CDKAL1: variants seen among roughly 807,000 people sequenced by gnomAD.
CDKAL1 encodes the protein threonylcarbamoyladenosine tRNA methylthiotransferase.
CDKAL1 carries 32 observed loss-of-function variants against 68.2 expected under a neutral mutation model. The ratio of observed to expected loss-of-function variants is 0.47; its 90% CI spans 0.35 to 0.63. The LOEUF is 0.63. Ranked by LOEUF, CDKAL1 falls within the 30% of genes least tolerant of loss-of-function variation. The pLI is 0.00. For missense variants in CDKAL1, 606 were observed against 696.7 expected (o/e 0.87, Z 1.47); for synonymous variants, 234 against 244.3 (o/e 0.96, Z 0.39).
At chr6:20,891,660 G>A (rs1170450203) in intron 9 of CDKAL1, among the ~76,000 whole-genome samples, 20 of 150,844 alleles carry the variant, frequency 1.3e-4, no homozygotes, top group African/African-American at 3.2e-4. Context: ...TCAGCCTCCC[G>A]AGTATCTGGG....
chr6:20,880,480 C>T (rs1413980063), intron 9 of CDKAL1, among the ~76,000 whole-genome samples: 1 of 152,142 alleles, frequency 6.6e-6, no homozygotes, highest in Non-Finnish European at 1.5e-5. Context: ...GTGTCTTGAT[C>T]TTCTGACCTC....
At chr6:21,110,036 T>C (rs1231783510) in intron 13 of CDKAL1, among the ~76,000 whole-genome samples, 1 of 152,232 alleles carries the variant, frequency 6.6e-6, no homozygotes, top group Non-Finnish European at 1.5e-5. Flanking sequence ...TTGGCTTCCC[T>C]TCATTCCTCT....
chr6:21,097,609 C>A (rs1019716974), intron 12 of CDKAL1, among the ~76,000 whole-genome samples: 6 of 151,734 alleles, frequency 4.0e-5, no homozygotes, highest in Admixed American at 1.3e-4. Context: ...TAAGGGTTAA[C>A]CGTGCTATAT....
rs1770990974 is a variant in CDKAL1 at position 20,694,042 on chromosome 6, T to TG, written c.371+44665_371+44666insG. Among the ~76,000 whole-genome samples the TG allele has an allele frequency of 1.7e-5, 2 of 114,356 alleles. 1 individual carries two copies. Among genetic ancestry groups the TG allele is most frequent in the African/African-American group, 8.4e-5 (2 of 23,680 alleles). The allele number at this position is 114,356 out of a possible 152,430, so 75.0% of individuals were successfully genotyped here. A position where few individuals can be genotyped will look rare whatever the true frequency, so the allele number is the denominator to read the frequency against. On this transcript the variant is annotated intron_variant, in intron 5 of 15. Coordinates refer to ENST00000274695, the MANE Select transcript of CDKAL1 (RefSeq NM_017774.3). The stretch of plus-strand genomic sequence containing the variant: ...CACACACTAACACACCCGGCTAACT[T>TG]TGTGTGTGTGTGTGTGTGTATGTGT...
chr6:20,643,472 T>C (rs1768285021), intron 4 of CDKAL1, among the ~76,000 whole-genome samples: 1 of 152,252 alleles, frequency 6.6e-6, no homozygotes, highest in South Asian at 2.1e-4. Flanking sequence ...ATTTAACTTC[T>C]ACCCCTCTGG....
chr6:21,160,636 GACACAC>G lies in CDKAL1; in HGVS notation c.1300-37370_1300-37365del, dbSNP rs70993208. On this transcript the variant is annotated intron_variant, in intron 13 of 15. Coordinates refer to ENST00000274695, the MANE Select transcript of CDKAL1 (RefSeq NM_017774.3). Reference sequence around the variant, plus strand: ...TTATTCACTGTAATTTTTGGACACAGACACACACACACACACACACGTGTGTGTGTG... The same window carrying G: ...TTATTCACTGTAATTTTTGGACACAGACACACACACACACGTGTGTGTGTG... 1.4e-3 allele frequency among the ~76,000 whole-genome samples: 178 copies of G among 123,320 alleles called. 2 individuals carry two copies. Among genetic ancestry groups the G allele is most frequent in the African/African-American group, 3.9e-3 (131 of 33,284 alleles). 80.9% of individuals were successfully genotyped at this position (123,320 alleles called of 152,430 possible). A position where few individuals can be genotyped will look rare whatever the true frequency, so the allele number is the denominator to read the frequency against.
intron 13 of CDKAL1, among the ~76,000 whole-genome samples, chr6:21,180,378 C>T (rs1777744100): frequency 6.6e-6 from 1 of 150,874 alleles, no homozygotes; most frequent in Admixed American, 6.6e-5. Context: ...AGTTTCATAC[C>T]ACACTTGCCA....
intron 4 of CDKAL1, chr6:20,599,259 TTAAG>T (rs1765977391): frequency 2.8e-6 from 1 of 362,276 alleles, no homozygotes; most frequent in Non-Finnish European, 5.4e-6. Context: ...TCCAGAGATA[TTAAG>T]TAATAGATAA....
chr6:21,048,423 G>C (rs1000743381), intron 11 of CDKAL1, among the ~76,000 whole-genome samples: 1 of 152,040 alleles, frequency 6.6e-6, no homozygotes, highest in African/African-American at 2.4e-5. Context: ...TCTGGGTTTT[G>C]ATTTAAATGA....
At chr6:20,549,431 T>C in intron 4 of CDKAL1, among the ~76,000 whole-genome samples, 1 of 152,060 alleles carries the variant, frequency 6.6e-6, no homozygotes, top group East Asian at 1.9e-4. Flanking sequence ...ACAGTCACTG[T>C]TTTTCTCATT....
At chr6:20,545,545 T>C (rs1383010223) in intron 2 of CDKAL1, among the ~76,000 whole-genome samples, 7 of 152,144 alleles carry the variant, frequency 4.6e-5, no homozygotes, top group Non-Finnish European at 1.0e-4. Flanking sequence ...CCAGCGATTC[T>C]CCTTCCTCAG....
chr6:21,223,371 A>G (rs1352024516), intron 15 of CDKAL1, among the ~76,000 whole-genome samples: 2 of 152,204 alleles, frequency 1.3e-5, no homozygotes, highest in African/African-American at 2.4e-5. Flanking sequence ...TACTTCACTG[A>G]GTAGTCTGAA....
At chr6:20,960,206 A>G (rs1442956662) in intron 10 of CDKAL1, among the ~76,000 whole-genome samples, 1 of 152,052 alleles carries the variant, frequency 6.6e-6, no homozygotes, top group Admixed American at 6.6e-5. Flanking sequence ...ATAGCGCTCT[A>G]CAGCCTTGAA....
rs559357916 is a variant in CDKAL1, at chr6:20,580,733, A to G, written c.286+32028A>G. 2.8e-4 allele frequency among the ~76,000 whole-genome samples: 43 copies of G among 151,106 alleles called. No homozygotes were observed. In the Middle Eastern group the frequency reaches 0.01, roughly 36 times the overall value. ...GTACTATTTTCTCCTTTTTATCACC[A>G]TGCCATAGCCCTTGTGTCTCTCCCT... On this transcript the variant is annotated intron_variant, in intron 4 of 15. Transcript: ENST00000274695.
At chr6:20,561,446 G>GAAAAAAAAAAAAAAAAAAAAAAAAAA (rs55750789) in intron 4 of CDKAL1, among the ~76,000 whole-genome samples, 5 of 79,650 alleles carry the variant, frequency 6.3e-5, no homozygotes, top group Non-Finnish European at 6.9e-5. Context: ...TCTCAAAAAA[G>GAAAAAAAAAAAAAAAAAAAAAAAAAA]AAAAAAAAAA....
At chr6:20,908,583 T>A (rs188536180) in intron 9 of CDKAL1, among the ~76,000 whole-genome samples, 93 of 152,350 alleles carry the variant, frequency 6.1e-4, no homozygotes, top group Admixed American at 1.9e-3. Context: ...ATCTTTAGAT[T>A]ATTTATAAAA....
At chr6:20,921,608 A>G (rs917110581) in intron 9 of CDKAL1, among the ~76,000 whole-genome samples, 6 of 152,202 alleles carry the variant, frequency 3.9e-5, no homozygotes, top group African/African-American at 1.4e-4. Context: ...GTGTCTAAGT[A>G]GAATGGTCCT....
chr6:20,677,713 G>A (rs1219528723), intron 5 of CDKAL1, among the ~76,000 whole-genome samples: 1 of 152,152 alleles, frequency 6.6e-6, no homozygotes, highest in Non-Finnish European at 1.5e-5. Flanking sequence ...CCCATGCATG[G>A]CGAGAGCTAA....
intron 12 of CDKAL1, among the ~76,000 whole-genome samples, chr6:21,066,686 A>G (rs1771461243): frequency 6.6e-6 from 1 of 152,188 alleles, no homozygotes; most frequent in Non-Finnish European, 1.5e-5. Flanking sequence ...CAGTGCTGCA[A>G]TCTTGGCTCA....
Sources: allele counts gnomAD v4.1 joint callset (sites outside exome capture counted in the v4.1 genomes callset), GRCh38; gene constraint gnomAD v4.1.1; transcripts MANE v1.5; gene names NCBI Gene and HGNC (gene_info 2026-07-23, HGNC 2026-07-21).